Variants in DAB1 observed in about 807,000 individuals in gnomAD.
The protein encoded by DAB1 is disabled homolog 1.
Under a neutral mutation model 64.6 loss-of-function variants are expected in DAB1, and 15 were observed. The observed-to-expected ratio is 0.23, with a 90% CI of 0.16 to 0.36. The LOEUF is 0.36. Among genes scored for constraint, DAB1 ranks in the 10% least tolerant of loss-of-function variants. The pLI is 1.00. For missense variants in DAB1, 596 were observed against 706.7 expected (o/e 0.84, Z 1.78); for synonymous variants, 235 against 251.9 (o/e 0.93, Z 0.64).
chr1:58,053,204 T>C (rs1270511302), intron 5 of DAB1, among the ~76,000 whole-genome samples: 1 of 152,198 alleles, frequency 6.6e-6, no homozygotes, highest in Non-Finnish European at 1.5e-5. Context: ...ACCCCACTCT[T>C]GGTACCAGTT....
chr1:57,699,459 T>C (rs1323452064), intron 6 of DAB1, among the ~76,000 whole-genome samples: 2 of 152,230 alleles, frequency 1.3e-5, no homozygotes, highest in Admixed American at 6.5e-5. Context: ...AGCTAGTGAA[T>C]ATACATTTTG....
intron 2 of DAB1, among the ~76,000 whole-genome samples, chr1:58,510,647 T>G (rs549935258): frequency 1.3e-5 from 2 of 151,586 alleles, no homozygotes; most frequent in Non-Finnish European, 2.9e-5. Context: ...GAGAAAGAAA[T>G]AAAAGGCATT....
chr1:58,116,788 A>G (rs1652362062), intron 5 of DAB1, among the ~76,000 whole-genome samples: 1 of 152,242 alleles, frequency 6.6e-6, no homozygotes, highest in African/African-American at 2.4e-5. Context: ...AGAATAAGGT[A>G]ACAGCTGCAA....
intron 1 of DAB1, among the ~76,000 whole-genome samples, chr1:57,357,847 TAACC>T (rs1381654346): frequency 6.6e-6 from 1 of 151,568 alleles, no homozygotes; most frequent in African/African-American, 2.4e-5. Flanking sequence ...TGCATGGGGG[TAACC>T]ATCCCCATGA....
At chr1:57,002,507 T>C (rs945950182) in intron 14 of DAB1, among the ~76,000 whole-genome samples, 7 of 152,242 alleles carry the variant, frequency 4.6e-5, no homozygotes, top group African/African-American at 7.2e-5. Flanking sequence ...ATTCTGTGAT[T>C]ATCCCAACAA....
chr1:57,403,117 G>T (rs1057247811), intron 1 of DAB1, among the ~76,000 whole-genome samples: 2 of 152,160 alleles, frequency 1.3e-5, no homozygotes, highest in Non-Finnish European at 2.9e-5. Flanking sequence ...TGACCTCACC[G>T]TCTGGCTGCA....
intron 4 of DAB1, among the ~76,000 whole-genome samples, chr1:57,132,365 C>T (rs1444093632): frequency 6.6e-6 from 1 of 152,144 alleles, no homozygotes; most frequent in African/African-American, 2.4e-5. Flanking sequence ...TCTGGGTTCA[C>T]TAATGAACTA....
At chr1:58,293,512 A>G (rs1661896368) in intron 4 of DAB1, among the ~76,000 whole-genome samples, 1 of 152,188 alleles carries the variant, frequency 6.6e-6, no homozygotes, top group South Asian at 2.1e-4. Flanking sequence ...TAGAGTATAA[A>G]TAAAGCCCGC....
intron 3 of DAB1, among the ~76,000 whole-genome samples, chr1:58,385,224 C>A (rs960627612): frequency 6.6e-6 from 1 of 152,146 alleles, no homozygotes. Flanking sequence ...AAATTGTATA[C>A]ATTTATCGTG....
At chr1:57,564,871 C>A (rs541746227) in intron 7 of DAB1, among the ~76,000 whole-genome samples, 3 of 152,180 alleles carry the variant, frequency 2.0e-5, no homozygotes, top group Non-Finnish European at 2.9e-5. Flanking sequence ...TCTAGGAGAA[C>A]TTCCCCAACT....
chr1:58,276,067 C>T (rs1474028930), intron 4 of DAB1, among the ~76,000 whole-genome samples: 1 of 152,120 alleles, frequency 6.6e-6, no homozygotes, highest in Non-Finnish European at 1.5e-5. Flanking sequence ...TACAAAAAGA[C>T]AAATACTATA....
intron 7 of DAB1, among the ~76,000 whole-genome samples, chr1:57,497,981 G>A (rs79058747): frequency 0.013 from 1,935 of 152,322 alleles, 17 homozygotes; most frequent in Non-Finnish European, 0.018. Flanking sequence ...TAGTCCCAGA[G>A]GGGAAGCAAC....
chr1:57,695,379 A>AG (rs1557427834), intron 6 of DAB1, among the ~76,000 whole-genome samples: 9 of 83,130 alleles, frequency 1.1e-4, no homozygotes, highest in South Asian at 5.0e-4. Context: ...AAAGAAAGAA[A>AG]GAAAGAAAGA....
intron 7 of DAB1, among the ~76,000 whole-genome samples, chr1:57,622,117 A>T (rs1341316): frequency 6.6e-6 from 1 of 152,092 alleles, no homozygotes; most frequent in South Asian, 2.1e-4. Context: ...GTGAGTATGC[A>T]TGTTTTCAAT....
intron 3 of DAB1, among the ~76,000 whole-genome samples, chr1:58,457,191 C>A (rs1339744255): frequency 1.3e-5 from 2 of 152,162 alleles, no homozygotes; most frequent in African/African-American, 4.8e-5. Flanking sequence ...ATGTCAGAGT[C>A]CAGACTCCAA....
At chr1:57,999,195 A>G (rs183929897) in intron 5 of DAB1, among the ~76,000 whole-genome samples, 20 of 152,342 alleles carry the variant, frequency 1.3e-4, no homozygotes, top group Admixed American at 1.1e-3. Context: ...AGTATCTTAA[A>G]TACATCGTTT....
At chr1:58,496,510 G>C (rs118095617) in intron 3 of DAB1, among the ~76,000 whole-genome samples, 1 of 152,006 alleles carries the variant, frequency 6.6e-6, no homozygotes, top group East Asian at 1.9e-4. Flanking sequence ...TTTGTTTTTC[G>C]TATTTCTGCT....
chr1:58,257,443 CT>C (rs56722865), intron 4 of DAB1, among the ~76,000 whole-genome samples: 157 of 151,682 alleles, frequency 1.0e-3, no homozygotes, highest in African/African-American at 3.6e-3. Flanking sequence ...GTGTTAACAC[CT>C]TTTTTTTTCT....
chr1:57,770,019 G>T (rs1649488486), intron 6 of DAB1, among the ~76,000 whole-genome samples: 1 of 152,094 alleles, frequency 6.6e-6, no homozygotes, highest in African/African-American at 2.4e-5. Flanking sequence ...CTTCTTAAGG[G>T]CAGCATTGGA....
Sources: gnomAD v4.1 joint callset for allele counts (sites outside exome capture counted in the v4.1 genomes callset) on GRCh38, gnomAD v4.1.1 for gene constraint, MANE v1.5 for transcripts, NCBI Gene and HGNC (gene_info 2026-07-23, HGNC 2026-07-21) for gene names.